SNRPC: variants seen among roughly 807,000 people sequenced by gnomAD.
SNRPC encodes the protein small nuclear ribonucleoprotein polypeptide C, also known as U1 small nuclear ribonucleoprotein C.
In SNRPC, 5 loss-of-function variants were observed where a neutral mutation model predicts 20.0. That is an observed-to-expected ratio of 0.25 (90% CI 0.13 to 0.53). The LOEUF (loss-of-function observed/expected upper bound fraction) is 0.53. Ranked by LOEUF, SNRPC falls within the 20% of genes least tolerant of loss-of-function variation. The probability of loss-of-function intolerance (pLI) is 0.96; values close to 1 mark genes in which losing one functional copy is unlikely to be tolerated. For synonymous variants in SNRPC, 61 were observed against 58.7 expected (o/e 1.04, Z -0.18); for missense variants, 112 against 224.1 (o/e 0.50, Z 3.19).
chr6:34,760,352 G>C (rs1764519812), intron 2 of SNRPC, among the ~76,000 whole-genome samples: 2 of 151,970 alleles, frequency 1.3e-5, no homozygotes, highest in Non-Finnish European at 2.9e-5. Context: ...AAAGTGCTGG[G>C]AGTGAGTCAC....
chr6:34,764,658 A>G (rs556109843), intron 3 of SNRPC, among the ~76,000 whole-genome samples: 16 of 151,706 alleles, frequency 1.1e-4, no homozygotes, highest in African/African-American at 3.4e-4. Context: ...GTGAGACTCC[A>G]TCTCAAAAAA....
At chr6:34,763,103 G>T (rs1238069371) in intron 3 of SNRPC, among the ~76,000 whole-genome samples, 3 of 152,248 alleles carry the variant, frequency 2.0e-5, no homozygotes, top group Non-Finnish European at 2.9e-5. Context: ...AATAGTTTGA[G>T]ACTATATTTA....
chr6:34,766,843 A>G (rs1764619514), intron 3 of SNRPC, among the ~76,000 whole-genome samples: 1 of 152,226 alleles, frequency 6.6e-6, no homozygotes, highest in South Asian at 2.1e-4. Flanking sequence ...TGAATTATCA[A>G]TAATTGATGA....
chr6:34,767,875 CTTTTTTTT>C, intron 3 of SNRPC, 25 bp from the exon 4 acceptor site: 1 of 1,343,336 alleles, frequency 7.4e-7, no homozygotes, highest in Non-Finnish European at 9.8e-7. Flanking sequence ...TCTTATTCAT[CTTTTTTTT>C]TTTTTTTTTC....
chr6:34,765,615 T>A (rs577816839), intron 3 of SNRPC, among the ~76,000 whole-genome samples: 2 of 151,680 alleles, frequency 1.3e-5, no homozygotes, highest in Admixed American at 6.6e-5. Context: ...TTTTTTGTAT[T>A]TTTGGTAGAA....
chr6:34,769,459 C>T (rs529187122), intron 4 of SNRPC, among the ~76,000 whole-genome samples: 2 of 152,218 alleles, frequency 1.3e-5, no homozygotes, highest in East Asian at 1.9e-4. Flanking sequence ...TCCCAAAGTG[C>T]TGGGATTACA....
At chr6:34,771,034 G>A (rs767785424) in intron 5 of SNRPC, among the ~76,000 whole-genome samples, 4 of 152,120 alleles carry the variant, frequency 2.6e-5, no homozygotes, top group Non-Finnish European at 4.4e-5. Context: ...CCTTTGCTTT[G>A]AGAGTGTGTC....
chr6:34,767,872 C>G, intron 3 of SNRPC, 36 bp from the exon 4 acceptor site: 1 of 1,372,866 alleles, frequency 7.3e-7, no homozygotes, highest in East Asian at 2.5e-5. Context: ...AATTCTTATT[C>G]ATCTTTTTTT....
intron 2 of SNRPC, among the ~76,000 whole-genome samples, chr6:34,761,362 T>C (rs1764533006): frequency 6.6e-6 from 1 of 152,026 alleles, no homozygotes; most frequent in Admixed American, 6.6e-5. Flanking sequence ...GGTCTTGAAC[T>C]CCTGACATCA....
intron 4 of SNRPC, among the ~76,000 whole-genome samples, chr6:34,769,985 G>A (rs1183268386): frequency 6.6e-6 from 1 of 152,202 alleles, no homozygotes; most frequent in Non-Finnish European, 1.5e-5. Context: ...CACTTTGGGA[G>A]GTCGACGTGG....
chr6:34,766,223 T>TA (rs1283321099), intron 3 of SNRPC, among the ~76,000 whole-genome samples: 1 of 151,958 alleles, frequency 6.6e-6, no homozygotes, highest in Admixed American at 6.6e-5. Context: ...TTTTTAGAGA[T>TA]AGAGTCTTAC....
rs1415680521 is a variant in SNRPC at position 34,767,997 on chromosome 6, C to T, written c.250C>T (p.Pro84Ser). The change falls in exon 4 of 6, where the codon CCG (proline) becomes TCG (serine). Residue 84 changes from proline to serine, a missense_variant and splice_region_variant. Physicochemically the swap from Pro to Ser is moderately conservative, Grantham distance 74. Around this residue, in one of 3 missense-constraint regions of SNRPC, gnomAD observed 45 missense variants for 48.6 expected, o/e 0.93. Coordinates refer to ENST00000244520, the MANE Select transcript of SNRPC (RefSeq NM_003093.3). ...GAMIPPPPSL[P>S]GPPRPGMMPA... ...GATGATACCACCTCCCCCCAGCCTTCGTAAGTTTAAACTTTTAATCTTAAG... is the reference window on the plus strand; with the variant it reads ...GATGATACCACCTCCCCCCAGCCTTTGTAAGTTTAAACTTTTAATCTTAAG... 6 of 1,610,846 alleles carry T rather than the reference C, an allele frequency of 3.7e-6. No homozygotes were observed. The highest frequency in any genetic ancestry group is 5.1e-6 in the Non-Finnish European group (6 of 1,178,944).
At position 34,757,988 on chromosome 6, in the gene SNRPC, C is replaced by T. The variant is rs376508953; in HGVS notation, c.51+34C>T. ...CATATCTATTCATAGTTTCAAAAAG[C>T]CTTATGTGTAATAATTAAATGAGTT... On this transcript the variant is annotated intron_variant, in intron 2 of 5. Coordinates refer to ENST00000244520, the MANE Select transcript of SNRPC (RefSeq NM_003093.3). The T allele has an allele frequency of 1.8e-5, 29 of 1,582,138 alleles. No homozygotes were observed. In the African/African-American group the frequency reaches 3.4e-4, roughly 19 times the overall value.
At position 34,761,057 on chromosome 6, in the gene SNRPC, C is replaced by CAA. The variant is rs202046084; in HGVS notation, c.52-1528_52-1527dup. Among the ~76,000 whole-genome samples the CAA allele has an allele frequency of 1.6e-4, 21 of 133,298 alleles. No homozygotes were observed. In the South Asian group the frequency reaches 2.2e-3, roughly 14 times the overall value. 87.4% of individuals were successfully genotyped at this position (133,298 alleles called of 152,430 possible). On this transcript the variant is annotated intron_variant, in intron 2 of 5. Coordinates refer to ENST00000244520, the MANE Select transcript of SNRPC (RefSeq NM_003093.3). ...AGTGAGACTCCGTCTCAAAAAAAAC[C>CAA]AAAAAAAAAAACAACAAAAAAGAAA...
intron 4 of SNRPC, among the ~76,000 whole-genome samples, chr6:34,768,754 A>C (rs1334714598): frequency 3.6e-4 from 25 of 68,764 alleles, no homozygotes; most frequent in Middle Eastern, 7.6e-3. Context: ...ACTTTGTCTC[A>C]AAAAAAAAAA....
intron 4 of SNRPC, among the ~76,000 whole-genome samples, chr6:34,769,100 T>TAG (rs1203921162): frequency 6.6e-6 from 1 of 152,162 alleles, no homozygotes; most frequent in Non-Finnish European, 1.5e-5. Flanking sequence ...CCTCAGCCCA[T>TAG]AGCAACTCCA....
chr6:34,762,556 A>G (rs752746512), intron 2 of SNRPC, 39 bp from the exon 3 acceptor site: 25 of 1,099,334 alleles, frequency 2.3e-5, no homozygotes, highest in Non-Finnish European at 2.8e-6. Context: ...AGTGTTGGAC[A>G]TTTGTTTCTA....
intron 3 of SNRPC, among the ~76,000 whole-genome samples, chr6:34,766,105 G>T (rs1234245154): frequency 6.6e-6 from 1 of 152,128 alleles, no homozygotes; most frequent in East Asian, 1.9e-4. Context: ...TTGAAAAGAT[G>T]TTAGAAATTT....
intron 2 of SNRPC, among the ~76,000 whole-genome samples, chr6:34,760,869 C>G (rs1331859333): frequency 6.7e-6 from 1 of 149,786 alleles, no homozygotes; most frequent in Non-Finnish European, 1.5e-5. Flanking sequence ...CATAGTGAAA[C>G]CCCATCTCTA....
Sources: gnomAD v4.1 joint callset for allele counts (sites outside exome capture counted in the v4.1 genomes callset) on GRCh38, gnomAD v4.1.1 for gene constraint, gnomAD v4.1.1 regional missense constraint, MANE v1.5 for transcripts, NCBI Gene and HGNC (gene_info 2026-07-23, HGNC 2026-07-21) for gene names.